Variants in GLT8D1 observed in about 807,000 individuals in gnomAD.
GLT8D1 encodes glycosyltransferase 8 domain containing 1.
A neutral mutation model predicts 46.2 loss-of-function variants in GLT8D1; 41 were observed. That is an observed-to-expected ratio of 0.89 (90% confidence interval 0.69 to 1.15). The LOEUF is 1.15. Among genes scored for constraint, GLT8D1 ranks in the 50% most tolerant of loss-of-function variants. The pLI is 0.00. For missense variants in GLT8D1, 408 were observed against 449.3 expected, an observed-to-expected ratio of 0.91 and a Z score of 0.83; for synonymous variants, 150 against 154.2, an observed-to-expected ratio of 0.97 and a Z score of 0.20.
chr3:52,705,720 G>A lies in GLT8D1; in HGVS notation c.-310C>T, dbSNP rs1208605108. On this transcript the variant is annotated 5_prime_UTR_variant, in exon 1 of 10. Transcript: ENST00000266014. ...ACACTTGCCCTCTAGCTCCGTGGCAGCCGCGCAGCCCCACTACGCCCAGCC... is the reference window on the plus strand; with the variant it reads ...ACACTTGCCCTCTAGCTCCGTGGCAACCGCGCAGCCCCACTACGCCCAGCC... 7.8e-6 allele frequency: 5 copies of A among 640,328 alleles called. No homozygotes were observed. The highest frequency in any genetic ancestry group is 1.1e-5 in the Non-Finnish European group (5 of 469,048). The allele number at this position is 640,328 out of a possible 1,614,324, so 39.7% of individuals were successfully genotyped here. A position where few individuals can be genotyped will look rare whatever the true frequency, so the allele number is the denominator to read the frequency against.
intron 1 of GLT8D1, chr3:52,705,206 G>A (rs536758961): frequency 1.3e-5 from 2 of 152,284 alleles, no homozygotes; most frequent in African/African-American, 4.8e-5. Flanking sequence ...CCTTGAAAGA[G>A]AGGCTGAGTG....
At position 52,705,170 on chromosome 3, in the gene GLT8D1, G is replaced by T. The variant is rs901236589; in HGVS notation, c.-37+277C>A. The T allele has an allele frequency of 3.3e-5, 5 of 152,396 alleles. No individual in the cohort carries two copies. In the East Asian group the frequency reaches 9.7e-4, roughly 29 times the overall value. 9.4% of individuals were successfully genotyped at this position (152,396 alleles called of 1,614,324 possible). A position where few individuals can be genotyped will look rare whatever the true frequency, so the allele number is the denominator to read the frequency against. On this transcript the variant is annotated intron_variant, in intron 1 of 9. Transcript: ENST00000266014. ...CCACCTGGCTGACGGTAACGGAGGA[G>T]GGTCTAAGATTTAGAGATACACCAG...
chr3:52,698,523 A>C (rs192575425), intron 3 of GLT8D1, among the ~76,000 whole-genome samples: 1 of 152,218 alleles, frequency 6.6e-6, no homozygotes, highest in East Asian at 1.9e-4. Flanking sequence ...CTCTACTAAA[A>C]ATACAAAATG....
chr3:52,696,374 A>G lies in GLT8D1; in HGVS notation c.448-56T>C, dbSNP rs1165898056. 5 of 1,238,100 alleles carry G rather than the reference A, an allele frequency of 4.0e-6. No individual in the cohort carries two copies. In the East Asian group the frequency reaches 1.2e-4, roughly 29 times the overall value. 76.7% of individuals were successfully genotyped at this position (1,238,100 alleles called of 1,614,324 possible). ...TACCGCACTAGCTGTGCTTTTATTT[A>G]CACAGAAACTCCTAGGATGCTTTCA... is the stretch of plus-strand genomic sequence containing the variant. On this transcript the variant is annotated intron_variant, in intron 5 of 9. Coordinates refer to ENST00000266014, the MANE Select transcript of GLT8D1 (RefSeq NM_018446.4).
chr3:52,696,849 A>C (rs1393722229), intron 4 of GLT8D1, among the ~76,000 whole-genome samples, 190 bp from the exon 5 acceptor site: 2 of 65,384 alleles, frequency 3.1e-5, no homozygotes, highest in Non-Finnish European at 6.3e-5. Flanking sequence ...TTGTATGGTA[A>C]TTATCTTCTA....
At chr3:52,696,747 A>G (rs2097334088) in intron 4 of GLT8D1, 88 bp from the exon 5 acceptor site, 3 of 742,246 alleles carry the variant, frequency 4.0e-6, no homozygotes, top group Non-Finnish European at 7.0e-6. Flanking sequence ...TATGGACCAA[A>G]TAGGTGTTTT....
chr3:52,705,642 C>G lies in GLT8D1; in HGVS notation c.-232G>C, dbSNP rs757648951. 4.0e-5 allele frequency: 8 copies of G among 202,008 alleles called. No homozygotes were observed. The highest frequency in any genetic ancestry group is 7.4e-5 in the Non-Finnish European group (8 of 107,886). The allele number at this position is 202,008 out of a possible 1,614,324, so 12.5% of individuals were successfully genotyped here. ...AGCTCAGCGCCCGCGCCGCAGGCCC[C>G]GGAGCCCAGCCCGTTGTCTGGCCGC... On this transcript the variant is annotated 5_prime_UTR_variant, in exon 1 of 10. Coordinates refer to ENST00000266014, the MANE Select transcript of GLT8D1 (RefSeq NM_018446.4).
At position 52,694,865 on chromosome 3, in the gene GLT8D1, C is replaced by T. The variant is rs758986162; in HGVS notation, c.1096G>A (p.Glu366Lys). 2.7e-5 allele frequency: 43 copies of T among 1,610,198 alleles called. No homozygotes were observed. Among genetic ancestry groups the T allele is most frequent in the Admixed American group, 3.3e-5 (2 of 59,994 alleles). ...GKFNLIRRYT[E>K]ISNIK The stretch of plus-strand genomic sequence containing the variant: ...CTGTTTCACTTTATGTTTGAGATCT[C>T]GGTATATCTTCGGATTAGGTTGAAT... The change falls in exon 10 of 10, where the codon GAG (glutamate) becomes AAG (lysine). Residue 366 changes from glutamate (E) to lysine (K), a missense_variant. By Grantham distance (56) the Glu-to-Lys change is moderately conservative (BLOSUM62 1). Transcript: ENST00000266014.
At chr3:52,700,530 A>G in intron 1 of GLT8D1, 34 bp from the exon 2 acceptor site, 1 of 1,050,846 alleles carries the variant, frequency 9.5e-7, no homozygotes, top group East Asian at 2.4e-5. Context: ...AAAGTCAGTA[A>G]GCACATGAGA....
At chr3:52,700,726 G>C in intron 1 of GLT8D1, 3 of 384,674 alleles carry the variant, frequency 7.8e-6, no homozygotes, top group Non-Finnish European at 1.4e-5. Context: ...AACAGCCTTA[G>C]CCTTGTACAT....
rs765076471 is a variant in GLT8D1, at chr3:52,696,261, A to G, written c.505T>C (p.Tyr169His). Residue 169 changes from tyrosine (Y) to histidine (H), a missense_variant, in exon 6 of 10, where the codon TAC becomes CAC. Tyr to His is a moderately conservative substitution (Grantham distance 83). Transcript: ENST00000266014. ...ILVPSAKKAI[Y>H]MDDDVIVQGD... Reference sequence around the variant, plus strand: ...TGCACAATTACATCATCATCCATGTATATGGCCTTCTTTGCGCTGGGAACC... The same window carrying G: ...TGCACAATTACATCATCATCCATGTGTATGGCCTTCTTTGCGCTGGGAACC... The G allele has an allele frequency of 6.2e-7, 1 of 1,610,346 alleles. No homozygotes were observed. The highest frequency in any genetic ancestry group is 8.5e-7 in the Non-Finnish European group (1 of 1,176,636).
rs536609521 is a variant in GLT8D1 at position 52,695,604 on chromosome 3, G to A, written c.646-17C>T. On this transcript the variant is annotated splice_polypyrimidine_tract_variant and intron_variant, in intron 7 of 9. Coordinates refer to ENST00000266014, the MANE Select transcript of GLT8D1 (RefSeq NM_018446.4). Reference sequence around the variant, plus strand: ...GTAATTGTACTAAAAACACAAATAGGATATATGTACTTACTGCTTCAAACA... The same window carrying A: ...GTAATTGTACTAAAAACACAAATAGAATATATGTACTTACTGCTTCAAACA... The A allele has an allele frequency of 5.4e-5, 80 of 1,474,442 alleles. 2 individuals are homozygous for A. In the South Asian group the frequency reaches 8.7e-4, roughly 16 times the overall value. The allele number at this position is 1,474,442 out of a possible 1,614,324, so 91.3% of individuals were successfully genotyped here.
rs1276999583 is a variant in GLT8D1, at chr3:52,700,373, G to A, written c.17-13C>T. On this transcript the variant is annotated splice_polypyrimidine_tract_variant and intron_variant, in intron 2 of 9. Coordinates refer to ENST00000266014, the MANE Select transcript of GLT8D1 (RefSeq NM_018446.4). ...ATGATGATGTTTACTGAAATAGATA[G>A]GGAAAACCTATGTTATACCTCTTTA... The A allele has an allele frequency of 6.2e-7, 1 of 1,606,462 alleles. No homozygotes were observed. The highest frequency in any genetic ancestry group is 1.1e-5 in the South Asian group (1 of 90,896).
chr3:52,696,748 T>G, intron 4 of GLT8D1, 89 bp from the exon 5 acceptor site: 1 of 739,974 alleles, frequency 1.4e-6, no homozygotes, highest in Non-Finnish European at 2.3e-6. Context: ...ATGGACCAAA[T>G]AGGTGTTTTC....
intron 1 of GLT8D1, chr3:52,700,701 A>T (rs1317135186): frequency 2.3e-6 from 1 of 435,066 alleles, no homozygotes; most frequent in Non-Finnish European, 4.1e-6. Flanking sequence ...AAAAAACTTA[A>T]AAATAAGTTG....
At chr3:52,695,392 T>C in intron 8 of GLT8D1, 29 bp downstream of exon 8, 1 of 1,604,678 alleles carries the variant, frequency 6.2e-7, no homozygotes, top group East Asian at 2.2e-5. Context: ...TACAACAGTT[T>C]TTCACAGCTA....
chr3:52,704,894 C>G (rs1383541633), intron 1 of GLT8D1: 1 of 152,322 alleles, frequency 6.6e-6, no homozygotes, highest in African/African-American at 2.4e-5. Context: ...TTGACACGCT[C>G]TGGGCTCTTC....
chr3:52,695,384 C>CAACA (rs2097332129), intron 8 of GLT8D1, 37 bp downstream of exon 8: 2 of 1,597,508 alleles, frequency 1.3e-6, no homozygotes, highest in East Asian at 2.2e-5. Context: ...AATTGAAATA[C>CAACA]AACAGTTTTT....
chr3:52,705,643 G>A lies in GLT8D1; in HGVS notation c.-233C>T, dbSNP rs544923606. The A allele has an allele frequency of 4.4e-4, 89 of 201,898 alleles. No individual in the cohort carries two copies. Among genetic ancestry groups the A allele is most frequent in the African/African-American group, 1.9e-3 (83 of 42,930 alleles). The allele number at this position is 201,898 out of a possible 1,614,324, so 12.5% of individuals were successfully genotyped here. A position where few individuals can be genotyped will look rare whatever the true frequency, so the allele number is the denominator to read the frequency against. On this transcript the variant is annotated 5_prime_UTR_variant, in exon 1 of 10. Transcript: ENST00000266014. ...GCTCAGCGCCCGCGCCGCAGGCCCC[G>A]GAGCCCAGCCCGTTGTCTGGCCGCC...
Sources: gnomAD v4.1 joint callset for allele counts (sites outside exome capture counted in the v4.1 genomes callset) on GRCh38, gnomAD v4.1.1 for gene constraint, MANE v1.5 for transcripts, NCBI Gene and HGNC (gene_info 2026-07-23, HGNC 2026-07-21) for gene names.